CDKAL1: variants seen among roughly 807,000 people sequenced by gnomAD.
CDKAL1 encodes the protein threonylcarbamoyladenosine tRNA methylthiotransferase.
Under a neutral mutation model 68.2 loss-of-function variants are expected in CDKAL1, and 32 were observed. The ratio of observed to expected loss-of-function variants is 0.47; its 90% confidence interval spans 0.35 to 0.63. The LOEUF (loss-of-function observed/expected upper bound fraction) is 0.63. CDKAL1 is among the 30% of genes least tolerant of loss of function. CDKAL1 has a pLI of 0.00. For synonymous variants in CDKAL1, 234 were observed against 244.3 expected, an observed-to-expected ratio of 0.96 and a Z score of 0.39; for missense variants, 606 against 696.7, an observed-to-expected ratio of 0.87 and a Z score of 1.47.
At chr6:20,605,623 A>C (rs1766300057) in intron 4 of CDKAL1, among the ~76,000 whole-genome samples, 1 of 152,140 alleles carries the variant, frequency 6.6e-6, no homozygotes, top group Non-Finnish European at 1.5e-5. Context: ...GGATGCAGTT[A>C]AATTACTTGG....
At chr6:20,674,014 T>G (rs1335032366) in intron 5 of CDKAL1, among the ~76,000 whole-genome samples, 1 of 152,208 alleles carries the variant, frequency 6.6e-6, no homozygotes, top group Non-Finnish European at 1.5e-5. Context: ...TCATAGAGGA[T>G]TTCTCTCTCA....
At chr6:21,179,882 G>A (rs538740191) in intron 13 of CDKAL1, among the ~76,000 whole-genome samples, 78 of 152,266 alleles carry the variant, frequency 5.1e-4, no homozygotes, top group African/African-American at 1.9e-3. Context: ...TTAGCTGGGC[G>A]TGGTAGCATG....
intron 9 of CDKAL1, among the ~76,000 whole-genome samples, chr6:20,947,125 T>G (rs1218837915): frequency 4.0e-5 from 6 of 151,566 alleles, no homozygotes; most frequent in Non-Finnish European, 7.4e-5. Context: ...TGAATGATGT[T>G]TTATTTGTAT....
At chr6:20,643,406 C>T (rs535885176) in intron 4 of CDKAL1, among the ~76,000 whole-genome samples, 1 of 152,220 alleles carries the variant, frequency 6.6e-6, no homozygotes, top group Non-Finnish European at 1.5e-5. Context: ...TCCACCTCCA[C>T]TTATCCAAAT....
intron 7 of CDKAL1, among the ~76,000 whole-genome samples, chr6:20,770,624 A>G (rs1774901802): frequency 6.6e-6 from 1 of 152,218 alleles, no homozygotes; most frequent in East Asian, 1.9e-4. Context: ...GACTAGAACT[A>G]AGAATCTCAA....
chr6:20,788,623 A>T (rs1357760359), intron 8 of CDKAL1, among the ~76,000 whole-genome samples: 1 of 152,218 alleles, frequency 6.6e-6, no homozygotes, highest in Admixed American at 6.5e-5. Flanking sequence ...CTTTTCTGGC[A>T]TGGGTATAGT....
intron 9 of CDKAL1, among the ~76,000 whole-genome samples, chr6:20,936,532 G>C (rs1461524707): frequency 6.6e-6 from 1 of 151,202 alleles, no homozygotes; most frequent in Non-Finnish European, 1.5e-5. Flanking sequence ...TTACAGGCGT[G>C]AGCCACCGCG....
intron 9 of CDKAL1, among the ~76,000 whole-genome samples, chr6:20,889,750 T>C (rs1761287865): frequency 1.3e-5 from 2 of 152,204 alleles, no homozygotes; most frequent in Admixed American, 1.3e-4. Context: ...CATGTTGTTT[T>C]GGTTACTGTA....
intron 5 of CDKAL1, among the ~76,000 whole-genome samples, chr6:20,668,604 A>G (rs1039346613): frequency 6.6e-6 from 1 of 152,254 alleles, no homozygotes; most frequent in Non-Finnish European, 1.5e-5. Context: ...AGTTACAAAA[A>G]TAGTGCAAAG....
chr6:20,942,471 G>A (rs918145006), intron 9 of CDKAL1, among the ~76,000 whole-genome samples: 12 of 149,438 alleles, frequency 8.0e-5, no homozygotes, highest in South Asian at 2.1e-4. Flanking sequence ...GGGTTCAAGC[G>A]ATTCTCCTGC....
chr6:20,865,910 T>A (rs1759883652), intron 9 of CDKAL1, among the ~76,000 whole-genome samples: 1 of 152,176 alleles, frequency 6.6e-6, no homozygotes, highest in Non-Finnish European at 1.5e-5. Flanking sequence ...GAAGTTTAAT[T>A]TGAAAACTAT....
intron 11 of CDKAL1, among the ~76,000 whole-genome samples, chr6:21,010,516 G>C (rs1767951932): frequency 6.6e-6 from 1 of 152,022 alleles, no homozygotes; most frequent in South Asian, 2.1e-4. Context: ...GTCAATGATG[G>C]GTCACTGTTG....
chr6:20,816,129 CCGCCT>C (rs71764790), intron 8 of CDKAL1, among the ~76,000 whole-genome samples: 34,668 of 144,350 alleles, frequency 0.24, 4,456 homozygotes, highest in African/African-American at 0.34. Flanking sequence ...GTCCCCCCCC[CCGCCT>C]TTTTTTTTTA....
intron 4 of CDKAL1, among the ~76,000 whole-genome samples, chr6:20,611,958 T>C (rs1348722328): frequency 6.6e-6 from 1 of 152,170 alleles, no homozygotes; most frequent in Admixed American, 6.5e-5. Flanking sequence ...TCTACCTCCA[T>C]GAGGTCAACA....
At chr6:20,672,185 T>G (rs1451820197) in intron 5 of CDKAL1, among the ~76,000 whole-genome samples, 5 of 150,152 alleles carry the variant, frequency 3.3e-5, no homozygotes, top group Admixed American at 6.6e-5. Context: ...TTTCTCTTTC[T>G]CTCTCTCTCT....
intron 5 of CDKAL1, among the ~76,000 whole-genome samples, chr6:20,700,095 C>T (rs550076782): frequency 1.3e-5 from 2 of 151,280 alleles, no homozygotes; most frequent in Non-Finnish European, 2.9e-5. Context: ...TTCTTATGTT[C>T]ATTAAGATGG....
chr6:20,978,129 T>G (rs1172957252), intron 10 of CDKAL1, among the ~76,000 whole-genome samples: 1 of 152,222 alleles, frequency 6.6e-6, no homozygotes, highest in East Asian at 1.9e-4. Flanking sequence ...TCTTTGGTTT[T>G]GTAACGTATC....
chr6:20,631,203 T>G (rs1767660118), intron 4 of CDKAL1, among the ~76,000 whole-genome samples: 1 of 152,186 alleles, frequency 6.6e-6, no homozygotes, highest in African/African-American at 2.4e-5. Flanking sequence ...TTCTAGATGA[T>G]TTTTACCTCT....
intron 5 of CDKAL1, among the ~76,000 whole-genome samples, chr6:20,699,555 GT>G (rs879585286): frequency 5.3e-5 from 8 of 152,002 alleles, no homozygotes; most frequent in Admixed American, 2.0e-4. Flanking sequence ...GACAGATGGT[GT>G]TAGAAGTAAT....
Sources: allele counts gnomAD v4.1 joint callset (sites outside exome capture counted in the v4.1 genomes callset), GRCh38; gene constraint gnomAD v4.1.1; transcripts MANE v1.5; gene names NCBI Gene and HGNC (gene_info 2026-07-23, HGNC 2026-07-21).